The following PDE4B variants were observed in gnomAD, a reference collection of about 807,000 sequenced individuals.
PDE4B encodes 3',5'-cyclic-AMP phosphodiesterase 4B.
A neutral mutation model predicts 82.2 loss-of-function variants in PDE4B; 20 were observed. The observed-to-expected ratio is 0.24, with a 90% CI of 0.17 to 0.35. The LOEUF is 0.35. Ranked by LOEUF, PDE4B falls within the 10% of genes least tolerant of loss-of-function variation. The pLI, the probability that PDE4B is intolerant of heterozygous loss-of-function variation, is 1.00. For synonymous variants in PDE4B, 320 were observed against 318.9 expected, an observed-to-expected ratio of 1.00 and a Z score of -0.04; for missense variants, 655 against 907.2, an observed-to-expected ratio of 0.72 and a Z score of 3.57.
chr1:65,860,198 C>T (rs1367684159), intron 1 of PDE4B, among the ~76,000 whole-genome samples: 5 of 152,186 alleles, frequency 3.3e-5, no homozygotes, highest in African/African-American at 1.2e-4. Context: ...TCCCTCCCCT[C>T]ACCGCTCACC....
intron 3 of PDE4B, among the ~76,000 whole-genome samples, chr1:66,230,413 T>C (rs902128405): frequency 1.3e-5 from 2 of 152,216 alleles, no homozygotes; most frequent in East Asian, 3.8e-4. Context: ...GCAATGATGA[T>C]GTATTGGAGG....
chr1:66,303,656 G>A (rs1658065797), intron 7 of PDE4B, among the ~76,000 whole-genome samples: 1 of 152,074 alleles, frequency 6.6e-6, no homozygotes, highest in African/African-American at 2.4e-5. Context: ...CTAGCTATTT[G>A]CATAAAATGT....
At chr1:66,274,429 T>C (rs1655734176) in intron 7 of PDE4B, among the ~76,000 whole-genome samples, 2 of 151,966 alleles carry the variant, frequency 1.3e-5, no homozygotes, top group African/African-American at 2.4e-5. Context: ...CTCCTCGGCC[T>C]CCCAAAGTGC....
intron 3 of PDE4B, among the ~76,000 whole-genome samples, chr1:66,051,888 C>A (rs1342913936): frequency 6.6e-6 from 1 of 152,182 alleles, no homozygotes; most frequent in Non-Finnish European, 1.5e-5. Context: ...CACTTCCCAG[C>A]TCCTGCCTTT....
chr1:65,949,383 T>C (rs1271694111), intron 3 of PDE4B, among the ~76,000 whole-genome samples: 3 of 152,138 alleles, frequency 2.0e-5, no homozygotes, highest in African/African-American at 7.2e-5. Flanking sequence ...TTGTTTACTG[T>C]AGGCCTTTCC....
intron 3 of PDE4B, among the ~76,000 whole-genome samples, chr1:65,950,385 C>T (rs1395729933): frequency 6.6e-6 from 1 of 152,038 alleles, no homozygotes; most frequent in African/African-American, 2.4e-5. Flanking sequence ...GATCCAACTC[C>T]AGGATCCCCA....
rs560890048 is a variant in PDE4B, at chr1:66,199,963, G to T, written c.282-47497G>T. On this transcript the variant is annotated intron_variant, in intron 3 of 16. Transcript: ENST00000341517. ...AGTATTGCCTAGGTTTTCTTCTAGG[G>T]TTTTTATGGTTTTAGGTCTAACATT... Among the ~76,000 whole-genome samples the T allele has an allele frequency of 1.8e-3, 278 of 152,216 alleles. 2 individuals are homozygous for T. Among genetic ancestry groups the T allele is most frequent in the African/African-American group, 6.4e-3 (267 of 41,502 alleles).
intron 3 of PDE4B, among the ~76,000 whole-genome samples, chr1:66,027,262 G>A (rs1653495471): frequency 6.6e-6 from 1 of 152,114 alleles, no homozygotes; most frequent in African/African-American, 2.4e-5. Context: ...AGAGAAAAAT[G>A]AGGAAGAAGC....
At chr1:65,923,177 T>A (rs910974978) in intron 3 of PDE4B, among the ~76,000 whole-genome samples, 5 of 152,194 alleles carry the variant, frequency 3.3e-5, no homozygotes, top group Non-Finnish European at 5.9e-5. Flanking sequence ...GCCTAAGTCA[T>A]CTTCCACTGT....
intron 8 of PDE4B, among the ~76,000 whole-genome samples, chr1:66,346,373 T>C (rs1661395850): frequency 6.6e-6 from 1 of 152,230 alleles, no homozygotes; most frequent in African/African-American, 2.4e-5. Flanking sequence ...GTGTCTTAAT[T>C]TGAGAAAATT....
intron 3 of PDE4B, among the ~76,000 whole-genome samples, chr1:66,195,416 T>G (rs925241957): frequency 6.6e-6 from 1 of 152,180 alleles, no homozygotes; most frequent in Admixed American, 6.6e-5. Flanking sequence ...CTTGACCTTC[T>G]TTCATGGGGA....
intron 3 of PDE4B, among the ~76,000 whole-genome samples, chr1:66,220,951 G>C (rs1446679089): frequency 2.0e-5 from 3 of 152,098 alleles, no homozygotes; most frequent in African/African-American, 7.2e-5. Flanking sequence ...ATTAAAAGTA[G>C]CAGTAGCAAT....
intron 3 of PDE4B, among the ~76,000 whole-genome samples, chr1:66,081,923 T>C (rs1384588299): frequency 1.3e-5 from 2 of 151,546 alleles, no homozygotes; most frequent in Non-Finnish European, 2.9e-5. Flanking sequence ...AAATAGCATG[T>C]ACTCATTTCA....
rs147750667 is a variant in PDE4B, at chr1:66,221,757, T to A, written c.282-25703T>A. ...AGTTCCAAAATATTTTCTCCTTTTA[T>A]CCCTCTGGCCCTCCCACCCTCTGTC... On this transcript the variant is annotated intron_variant, in intron 3 of 16. Coordinates refer to ENST00000341517, the MANE Select transcript of PDE4B (RefSeq NM_002600.4). Among the ~76,000 whole-genome samples the A allele has an allele frequency of 1.1e-3, 171 of 152,294 alleles. 1 individual carries two copies. The highest frequency in any genetic ancestry group is 3.7e-3 in the African/African-American group (153 of 41,566).
chr1:65,806,222 A>G (rs1645753324), intron 1 of PDE4B, among the ~76,000 whole-genome samples: 1 of 152,096 alleles, frequency 6.6e-6, no homozygotes, highest in African/African-American at 2.4e-5. Context: ...TTAGTGCTAA[A>G]TTATTTCATT....
rs184509782 is a variant in PDE4B, at chr1:66,060,797, A to G, written c.281+141962A>G. Among the ~76,000 whole-genome samples the G allele has an allele frequency of 1.2e-4, 18 of 152,144 alleles. 1 individual carries two copies. The East Asian group carries it at 3.5e-3, about 29-fold the overall frequency. On this transcript the variant is annotated intron_variant, in intron 3 of 16. Coordinates refer to ENST00000341517, the MANE Select transcript of PDE4B (RefSeq NM_002600.4). ...TTCCAATTGTAGGAAAATACAGGGA[A>G]CCATGTTTGGATTCTTAAATATGAA...
At chr1:66,174,704 C>T (rs1029862778) in intron 3 of PDE4B, among the ~76,000 whole-genome samples, 7 of 151,578 alleles carry the variant, frequency 4.6e-5, no homozygotes, top group Non-Finnish European at 7.4e-5. Flanking sequence ...TGCAGTGAGC[C>T]GAGATTGCAC....
At chr1:66,363,292 C>A in intron 11 of PDE4B, 26 bp downstream of exon 11, 1 of 1,553,872 alleles carries the variant, frequency 6.4e-7, no homozygotes, top group Non-Finnish European at 8.8e-7. Context: ...TGAATACTGG[C>A]TTTCCAATTG....
intron 3 of PDE4B, among the ~76,000 whole-genome samples, chr1:66,090,737 A>ACATATATACACATGTG (rs142862688): frequency 2.1e-5 from 3 of 143,816 alleles, no homozygotes; most frequent in Non-Finnish European, 4.6e-5. Flanking sequence ...ATGTATGTAT[A>ACATATATACACATGTG]TATACATATA....
Sources: allele counts gnomAD v4.1 joint callset (sites outside exome capture counted in the v4.1 genomes callset), GRCh38; gene constraint gnomAD v4.1.1; transcripts MANE v1.5; gene names NCBI Gene and HGNC (gene_info 2026-07-23, HGNC 2026-07-21).